The following AUTS2 variants were observed in gnomAD, a reference collection of about 807,000 sequenced individuals.
The protein encoded by AUTS2 is activator of transcription and developmental regulator AUTS2.
A neutral mutation model predicts 112.4 loss-of-function variants in AUTS2; 17 were observed. That is an observed-to-expected ratio of 0.15 (90% CI 0.10 to 0.23). The LOEUF (loss-of-function observed/expected upper bound fraction) is 0.23, where lower values mean the gene tolerates loss of function less well. AUTS2 is among the 10% of genes least tolerant of loss of function. The pLI is 1.00. For synonymous variants in AUTS2, 751 were observed against 702.7 expected (o/e 1.07, Z -1.09); for missense variants, 1,510 against 1,701.6 (o/e 0.89, Z 1.98).
At chr7:70,067,524 G>A (rs1563076763) in intron 2 of AUTS2, among the ~76,000 whole-genome samples, 1 of 152,080 alleles carries the variant, frequency 6.6e-6, no homozygotes, top group Non-Finnish European at 1.5e-5. Context: ...TCTTTGTCTA[G>A]GACATGCTGA....
intron 1 of AUTS2, among the ~76,000 whole-genome samples, chr7:69,689,309 C>CT (rs1427849528): frequency 6.7e-6 from 1 of 148,386 alleles, no homozygotes; most frequent in Admixed American, 6.7e-5. Flanking sequence ...TGATCACTCT[C>CT]TAACTCCTTA....
chr7:70,635,838 C>G (rs145077020), intron 5 of AUTS2, among the ~76,000 whole-genome samples: 1 of 152,328 alleles, frequency 6.6e-6, no homozygotes, highest in African/African-American at 2.4e-5. Flanking sequence ...GACTTTGACA[C>G]ACAATTGATG....
chr7:70,071,946 G>T (rs1802788590), intron 2 of AUTS2, among the ~76,000 whole-genome samples: 1 of 151,836 alleles, frequency 6.6e-6, no homozygotes, highest in South Asian at 2.1e-4. Flanking sequence ...TCAGCAGATT[G>T]CATTGACAAA....
chr7:70,562,730 G>T (rs904566131), intron 5 of AUTS2, among the ~76,000 whole-genome samples: 1 of 152,144 alleles, frequency 6.6e-6, no homozygotes, highest in Non-Finnish European at 1.5e-5. Flanking sequence ...ACAAATGAAT[G>T]AATAAACTAA....
At chr7:70,097,962 C>G (rs753057834) in intron 2 of AUTS2, among the ~76,000 whole-genome samples, 11 of 152,202 alleles carry the variant, frequency 7.2e-5, no homozygotes, top group Non-Finnish European at 1.6e-4. Context: ...AATGGAAACT[C>G]TGGGTAAGGC....
chr7:70,705,906 A>G (rs1040774932), intron 6 of AUTS2, among the ~76,000 whole-genome samples: 7 of 152,124 alleles, frequency 4.6e-5, no homozygotes, highest in Non-Finnish European at 7.4e-5. Flanking sequence ...TATGTGCAGA[A>G]TTTTCCATCC....
At chr7:70,036,197 T>G (rs1334802573) in intron 2 of AUTS2, among the ~76,000 whole-genome samples, 2 of 152,198 alleles carry the variant, frequency 1.3e-5, no homozygotes, top group Non-Finnish European at 2.9e-5. Context: ...TCTCAGGTGC[T>G]GGAAAGCCAG....
At chr7:69,836,133 A>G (rs1455235390) in intron 1 of AUTS2, among the ~76,000 whole-genome samples, 1 of 152,260 alleles carries the variant, frequency 6.6e-6, no homozygotes, top group Non-Finnish European at 1.5e-5. Context: ...ACTTTTATAC[A>G]TCCACCCTTT....
At chr7:70,551,915 A>T (rs4718959) in intron 5 of AUTS2, among the ~76,000 whole-genome samples, 3 of 152,216 alleles carry the variant, frequency 2.0e-5, no homozygotes, top group East Asian at 3.9e-4. Flanking sequence ...ATTTTGATAA[A>T]CTTGAAGGGT....
intron 1 of AUTS2, among the ~76,000 whole-genome samples, chr7:69,850,348 C>T (rs1007582122): frequency 6.0e-5 from 8 of 133,034 alleles, no homozygotes; most frequent in Non-Finnish European, 9.3e-5. Flanking sequence ...GCAGTGAGCC[C>T]GGATCATGCT....
intron 5 of AUTS2, among the ~76,000 whole-genome samples, chr7:70,529,431 T>C (rs922743986): frequency 2.6e-5 from 4 of 152,214 alleles, no homozygotes; most frequent in Non-Finnish European, 5.9e-5. Context: ...CTGCTAAAAC[T>C]GTACAGCTTC....
intron 1 of AUTS2, among the ~76,000 whole-genome samples, chr7:69,648,085 A>G (rs1795114070): frequency 6.6e-6 from 1 of 152,122 alleles, no homozygotes; most frequent in Non-Finnish European, 1.5e-5. Flanking sequence ...TAGGGCTTTA[A>G]CGTATATTTC....
chr7:70,789,277 C>CCCTT (rs1791718399), intron 18 of AUTS2, among the ~76,000 whole-genome samples: 1 of 152,186 alleles, frequency 6.6e-6, no homozygotes, highest in Admixed American at 6.5e-5. Context: ...TGATGTTGAA[C>CCCTT]CCTTTCTTCC....
intron 5 of AUTS2, among the ~76,000 whole-genome samples, chr7:70,439,538 CAAAAAAAAAA>C (rs71077657): frequency 7.9e-4 from 58 of 73,310 alleles, no homozygotes; most frequent in Non-Finnish European, 1.3e-3. Flanking sequence ...GACTCCATCT[CAAAAAAAAAA>C]AAAAAAAAAA....
chr7:69,986,470 A>C (rs894814141), intron 2 of AUTS2, among the ~76,000 whole-genome samples: 1 of 152,224 alleles, frequency 6.6e-6, no homozygotes, highest in Admixed American at 6.5e-5. Context: ...ACTTGGAAAA[A>C]TAATCTTGCT....
At chr7:69,697,598 G>A (rs1457762421) in intron 1 of AUTS2, among the ~76,000 whole-genome samples, 1 of 152,178 alleles carries the variant, frequency 6.6e-6, no homozygotes, top group East Asian at 1.9e-4. Context: ...TGAATCTTCT[G>A]CAGCTTAGGA....
In AUTS2 at chr7:69,885,600, G is replaced by A. The variant is rs539269052; in HGVS notation, c.310-13686G>A. ...CACTTAGAAATAAATCTGTAATGAC[G>A]TGGTGTTAGGCAGTGGAAGCAGGAT... On this transcript the variant is annotated intron_variant, in intron 1 of 18. Coordinates refer to ENST00000342771, the MANE Select transcript of AUTS2 (RefSeq NM_015570.4). Among the ~76,000 whole-genome samples, 5 of 152,268 alleles carry A rather than the reference G, an allele frequency of 3.3e-5. No homozygotes were observed. The South Asian group carries it at 1.0e-3, about 32-fold the overall frequency.
At chr7:69,805,540 A>G (rs1183134903) in intron 1 of AUTS2, among the ~76,000 whole-genome samples, 1 of 152,228 alleles carries the variant, frequency 6.6e-6, no homozygotes, top group Non-Finnish European at 1.5e-5. Context: ...AAAGAACCAA[A>G]TTGTGCAGAC....
intron 4 of AUTS2, among the ~76,000 whole-genome samples, chr7:70,165,123 A>G (rs1186531719): frequency 6.6e-6 from 1 of 152,198 alleles, no homozygotes; most frequent in South Asian, 2.1e-4. Flanking sequence ...TAGAGGAAAG[A>G]ATAAGTGACC....
Sources: allele counts gnomAD v4.1 joint callset (sites outside exome capture counted in the v4.1 genomes callset), GRCh38; gene constraint gnomAD v4.1.1; transcripts MANE v1.5; gene names NCBI Gene and HGNC (gene_info 2026-07-23, HGNC 2026-07-21).